MARCHF1: variants seen among roughly 807,000 people sequenced by gnomAD.
MARCHF1 encodes the protein E3 ubiquitin-protein ligase MARCHF1.
MARCHF1 carries 40 observed loss-of-function variants against 54.2 expected under a neutral mutation model. That is an observed-to-expected ratio of 0.74 (90% CI 0.57 to 0.96). The LOEUF (loss-of-function observed/expected upper bound fraction) is 0.96, where lower values mean the gene tolerates loss of function less well. Ranked by LOEUF, MARCHF1 falls within the 40% of genes least tolerant of loss-of-function variation. The pLI is 0.00. For synonymous variants in MARCHF1, 236 were observed against 236.3 expected (o/e 1.00, Z 0.01); for missense variants, 586 against 656.5 (o/e 0.89, Z 1.17).
intron 3 of MARCHF1, among the ~76,000 whole-genome samples, chr4:163,927,137 T>G (rs1035828006): frequency 1.3e-5 from 2 of 151,750 alleles, no homozygotes; most frequent in African/African-American, 4.8e-5. Context: ...TTTTCTTTCT[T>G]TTTTACAATG....
chr4:163,857,477 TA>T (rs1482379542), intron 3 of MARCHF1, among the ~76,000 whole-genome samples: 2 of 152,132 alleles, frequency 1.3e-5, no homozygotes, highest in Non-Finnish European at 2.9e-5. Context: ...TAAGTATCAT[TA>T]GTAATATACC....
At chr4:164,354,962 C>T (rs1289279779) in intron 1 of MARCHF1, among the ~76,000 whole-genome samples, 3 of 134,416 alleles carry the variant, frequency 2.2e-5, no homozygotes, top group African/African-American at 8.4e-5. Flanking sequence ...CATTCTTATA[C>T]ACCAACAACA....
chr4:163,636,623 A>T (rs1285381809), intron 5 of MARCHF1, among the ~76,000 whole-genome samples: 2 of 151,958 alleles, frequency 1.3e-5, no homozygotes, highest in Non-Finnish European at 2.9e-5. Context: ...AGAACATTCC[A>T]TGCTCATGGG....
chr4:164,309,556 G>C (rs186227911), intron 1 of MARCHF1, among the ~76,000 whole-genome samples: 10 of 152,142 alleles, frequency 6.6e-5, no homozygotes, highest in Admixed American at 2.0e-4. Flanking sequence ...GGCTGTGGTG[G>C]CATCATGATT....
intron 1 of MARCHF1, among the ~76,000 whole-genome samples, chr4:164,226,083 T>G (rs1732244551): frequency 6.6e-6 from 1 of 151,994 alleles, no homozygotes; most frequent in Non-Finnish European, 1.5e-5. Context: ...TTATTTTCTT[T>G]TTTTCTCGTA....
At chr4:163,584,988 C>G (rs1288324109) in intron 8 of MARCHF1, 2 of 152,168 alleles carry the variant, frequency 1.3e-5, no homozygotes, top group African/African-American at 2.4e-5. Flanking sequence ...GTCCAGCTAT[C>G]AAACATGAAT....
At chr4:164,197,051 C>A in intron 1 of MARCHF1, 1 of 1,606,026 alleles carries the variant, frequency 6.2e-7, no homozygotes, top group East Asian at 2.2e-5. Flanking sequence ...AGCTCTTCTT[C>A]ATCTTCCTCG....
chr4:163,624,970 G>T (rs966119068), intron 5 of MARCHF1, among the ~76,000 whole-genome samples: 2 of 152,070 alleles, frequency 1.3e-5, no homozygotes, highest in African/African-American at 4.8e-5. Flanking sequence ...GGCTTCAGTG[G>T]TTTCTCGTTA....
intron 1 of MARCHF1, among the ~76,000 whole-genome samples, chr4:164,296,494 C>T (rs1042720494): frequency 6.6e-6 from 1 of 152,228 alleles, no homozygotes; most frequent in African/African-American, 2.4e-5. Flanking sequence ...CTCAGCTTCC[C>T]GAGTAGGTGG....
At chr4:163,968,987 A>T (rs1427228585) in intron 3 of MARCHF1, among the ~76,000 whole-genome samples, 1 of 152,178 alleles carries the variant, frequency 6.6e-6, no homozygotes, top group Non-Finnish European at 1.5e-5. Flanking sequence ...ATCCTGGATT[A>T]CAGAGCTCAT....
chr4:163,857,802 C>T (rs542802646), intron 3 of MARCHF1, among the ~76,000 whole-genome samples: 1 of 152,192 alleles, frequency 6.6e-6, no homozygotes, highest in Non-Finnish European at 1.5e-5. Context: ...GTTCCAGACA[C>T]CGTGCTTGCA....
At chr4:163,980,398 T>C (rs1480440002) in intron 3 of MARCHF1, among the ~76,000 whole-genome samples, 1 of 145,110 alleles carries the variant, frequency 6.9e-6, no homozygotes, top group African/African-American at 2.6e-5. Context: ...ACGTTAGACC[T>C]AAAACCATAA....
chr4:164,204,428 GTTT>G (rs1731549821), intron 1 of MARCHF1, among the ~76,000 whole-genome samples: 2 of 152,120 alleles, frequency 1.3e-5, no homozygotes, highest in African/African-American at 4.8e-5. Context: ...CACGACTTTA[GTTT>G]TTGCTCTTTG....
intron 8 of MARCHF1, among the ~76,000 whole-genome samples, chr4:163,553,513 AAAGAT>A (rs1263675344): frequency 6.6e-6 from 1 of 152,234 alleles, no homozygotes; most frequent in Non-Finnish European, 1.5e-5. Context: ...CTATGTGAAC[AAAGAT>A]AAGAAGGGTT....
intron 5 of MARCHF1, among the ~76,000 whole-genome samples, chr4:163,667,890 G>A (rs1743597895): frequency 6.6e-6 from 1 of 152,062 alleles, no homozygotes; most frequent in Non-Finnish European, 1.5e-5. Context: ...GCCTCCCAAA[G>A]TGCTGGGATT....
At chr4:163,840,491 A>G (rs889076776) in intron 4 of MARCHF1, among the ~76,000 whole-genome samples, 13 of 152,102 alleles carry the variant, frequency 8.5e-5, no homozygotes, top group African/African-American at 3.1e-4. Context: ...CCCAGCACTC[A>G]GGTAGTGAGC....
chr4:163,697,411 ATG>A (rs1001130438), intron 5 of MARCHF1, among the ~76,000 whole-genome samples: 47 of 152,308 alleles, frequency 3.1e-4, no homozygotes, highest in African/African-American at 1.1e-3. Flanking sequence ...CATGCCTGTT[ATG>A]TGAACTCTTC....
At chr4:164,347,781 A>C (rs1245462549) in intron 1 of MARCHF1, among the ~76,000 whole-genome samples, 1 of 152,194 alleles carries the variant, frequency 6.6e-6, no homozygotes, top group East Asian at 1.9e-4. Context: ...TAGGGATTGT[A>C]GGGTAAACTG....
rs140412906 is a variant in MARCHF1, at chr4:164,209,712, T to C, written c.-322-98050A>G. On this transcript the variant is annotated intron_variant, in intron 1 of 9. Coordinates refer to ENST00000514618, the MANE Select transcript of MARCHF1 (RefSeq NM_001394959.1). ...ATAGTGTTACAAATTGCCTTTCCCT[T>C]ACTTGAATCACTGGCTTTTCTCATA... is the stretch of plus-strand genomic sequence containing the variant. 2.4e-3 allele frequency among the ~76,000 whole-genome samples: 365 copies of C among 152,332 alleles called. 1 individual carries two copies. Among genetic ancestry groups the C allele is most frequent in the African/African-American group, 8.4e-3 (350 of 41,578 alleles).
Sources: allele counts gnomAD v4.1 joint callset (sites outside exome capture counted in the v4.1 genomes callset), GRCh38; gene constraint gnomAD v4.1.1; transcripts MANE v1.5; gene names NCBI Gene and HGNC (gene_info 2026-07-23, HGNC 2026-07-21).